TASOR2: variants seen among roughly 807,000 people sequenced by gnomAD.
TASOR2 encodes the protein transcription activation suppressor family member 2.
TASOR2 carries 84 observed loss-of-function variants against 199.5 expected under a neutral mutation model. The observed-to-expected ratio is 0.42, with a 90% CI of 0.35 to 0.50. TASOR2 has a LOEUF of 0.50. TASOR2 is among the 20% of genes least tolerant of loss of function. The pLI, the probability that TASOR2 is intolerant of heterozygous loss-of-function variation, is 0.02. For synonymous variants in TASOR2, 1,103 were observed against 1,046.6 expected (o/e 1.05, Z -1.04); for missense variants, 2,796 against 2,835.9 (o/e 0.99, Z 0.32).
In TASOR2 at chr10:5,742,194, C is replaced by T. The variant is rs1836531830; in HGVS notation, c.2425C>T (p.Arg809Ter). The T allele has an allele frequency of 6.2e-7, 1 of 1,614,084 alleles. No homozygotes were observed. The stretch of plus-strand genomic sequence containing the variant: ...TTACAGCAATCAGAACAAAATCATA[C>T]GATCTTCCCGAAAGGTTGTAGAACA... The change falls in exon 14 of 21, where the codon CGA becomes TGA. Residue 809 changes from arginine to a stop codon, truncating the protein, a stop_gained. Transcript: ENST00000328090. LOFTEE classifies it high-confidence loss of function. The surrounding 1 kb of genome is among the most constrained non-coding windows in gnomAD (Gnocchi z 4.2).
In TASOR2 at chr10:5,723,658, C is replaced by A; in HGVS notation, c.147-19C>A. ...CCACTGTTTATTATTCTGCTTGATACTGTTGTGTTGTTTTTCAGACCGCAG... is the reference window on the plus strand; with the variant it reads ...CCACTGTTTATTATTCTGCTTGATAATGTTGTGTTGTTTTTCAGACCGCAG... On this transcript the variant is annotated intron_variant, in intron 6 of 20. Transcript: ENST00000328090. The A allele has an allele frequency of 1.4e-6, 2 of 1,470,366 alleles. No homozygotes were observed. Among genetic ancestry groups the A allele is most frequent in the Non-Finnish European group, 9.3e-7 (1 of 1,078,468 alleles). The allele number at this position is 1,470,366 out of a possible 1,614,324, so 91.1% of individuals were successfully genotyped here.
intron 19 of TASOR2, among the ~76,000 whole-genome samples, chr10:5,762,034 T>C (rs979511820): frequency 6.6e-6 from 1 of 152,124 alleles, no homozygotes; most frequent in Admixed American, 6.5e-5. Context: ...GCCAGCACTT[T>C]GGGAGGCTGA....
chr10:5,720,217 G>C lies in TASOR2; in HGVS notation c.-99-327G>C. The C allele has an allele frequency of 1.0e-6, 1 of 975,594 alleles. No homozygotes were observed. The highest frequency in any genetic ancestry group is 1.2e-6 in the Non-Finnish European group (1 of 820,986). 60.4% of individuals were successfully genotyped at this position (975,594 alleles called of 1,614,324 possible). On this transcript the variant is annotated intron_variant, in intron 3 of 20. Transcript: ENST00000328090. The surrounding 1 kb of genome is among the most constrained non-coding windows in gnomAD (Gnocchi z 5.3). Reference sequence around the variant, plus strand: ...AATGAATCCTAGAGTAAAGGTTATTGCTATTCGAAGGCATCTGATTAGTTT... The same window carrying C: ...AATGAATCCTAGAGTAAAGGTTATTCCTATTCGAAGGCATCTGATTAGTTT...
chr10:5,760,348 A>G (rs1383569129), intron 18 of TASOR2, among the ~76,000 whole-genome samples: 2 of 152,196 alleles, frequency 1.3e-5, no homozygotes, highest in African/African-American at 4.8e-5. Flanking sequence ...GCGCTGCAGT[A>G]TGCTCTTCAT....
intron 3 of TASOR2, among the ~76,000 whole-genome samples, chr10:5,718,392 T>TA (rs59475949): frequency 0.2 from 28,134 of 137,258 alleles, 2,882 homozygotes; most frequent in Admixed American, 0.23. Context: ...GACCTTTAAT[T>TA]AAAAAAAAAA....
chr10:5,733,437 G>A (rs1460149151), intron 11 of TASOR2, among the ~76,000 whole-genome samples: 3 of 152,190 alleles, frequency 2.0e-5, no homozygotes, highest in Non-Finnish European at 4.4e-5. Flanking sequence ...GAACCTGGGA[G>A]GGAGAGGTTG....
Position 5,761,281 on chromosome 10 carries a change from C to T in TASOR2, c.6993-9C>T. 1 of 1,607,456 alleles carries T rather than the reference C, an allele frequency of 6.2e-7. No individual in the cohort carries two copies. Among genetic ancestry groups the T allele is most frequent in the South Asian group, 1.1e-5 (1 of 90,344 alleles). On this transcript the variant is annotated splice_polypyrimidine_tract_variant and intron_variant, in intron 18 of 20. Transcript: ENST00000328090. ...AAAATATTTTAATATGCCTATGTAT[C>T]TTTCACAGAGTGGATTCAACTGCAC... is the stretch of plus-strand genomic sequence containing the variant.
chr10:5,724,381 C>T lies in TASOR2; in HGVS notation c.248-49C>T, dbSNP rs143897907. The T allele has an allele frequency of 1.5e-4, 132 of 883,112 alleles. No individual in the cohort carries two copies. In the East Asian group the frequency reaches 1.8e-3, roughly 12 times the overall value. 54.7% of individuals were successfully genotyped at this position (883,112 alleles called of 1,614,324 possible). On this transcript the variant is annotated intron_variant, in intron 7 of 20. Coordinates refer to ENST00000328090, the Ensembl canonical transcript of TASOR2. ...AAAATGAACAAATTGACTGTAAGTA[C>T]ATAATAGCGTATTAAAAATAAGAAA...
rs545148209 is a variant in TASOR2 at position 5,750,243 on chromosome 10, A to G, written c.6606+216A>G. On this transcript the variant is annotated intron_variant, in intron 15 of 20. Coordinates refer to ENST00000328090, the Ensembl canonical transcript of TASOR2. This position sits in a 1 kb window ranked among gnomAD's most constrained non-coding sequence, Gnocchi z 5.4. The stretch of plus-strand genomic sequence containing the variant: ...AGTATTATGTTCCAGAATTAGGGCA[A>G]TGACTAATTTTTTTTCACAAAAAGT... Among the ~76,000 whole-genome samples, 3 of 152,180 alleles carry G rather than the reference A, an allele frequency of 2.0e-5. No individual in the cohort carries two copies. Among genetic ancestry groups the G allele is most frequent in the Non-Finnish European group, 4.4e-5 (3 of 68,042 alleles).
exon 15 of TASOR2, chr10:5,747,504 G>A (rs752595327): frequency 6.2e-7 from 1 of 1,613,936 alleles, no homozygotes; most frequent in East Asian, 2.2e-5. Flanking sequence ...AGAGAAAGGG[G>A]GATAATTTAC....
rs1416032108 is a variant in TASOR2 at position 5,689,879 on chromosome 10, A to G, written c.-288+4704A>G. ...TGATAATTTTTGATAAGTTAAAAGT[A>G]AAACAGGAAATCTCTGGAACTAGTC... On this transcript the variant is annotated intron_variant, in intron 1 of 20. Coordinates refer to ENST00000328090, the Ensembl canonical transcript of TASOR2. The surrounding 1 kb of genome is among the most constrained non-coding windows in gnomAD (Gnocchi z 4.1). Among the ~76,000 whole-genome samples the G allele has an allele frequency of 2.0e-5, 3 of 152,226 alleles. No individual in the cohort carries two copies. Among genetic ancestry groups the G allele is most frequent in the African/African-American group, 4.8e-5 (2 of 41,466 alleles).
At chr10:5,735,042 A>G (rs1835380288) in intron 11 of TASOR2, among the ~76,000 whole-genome samples, 1 of 151,912 alleles carries the variant, frequency 6.6e-6, no homozygotes, top group African/African-American at 2.4e-5. Flanking sequence ...AGTTGTTACA[A>G]AGTTATTACT....
At chr10:5,693,039 A>T (rs1836662225) in intron 1 of TASOR2, 1 of 152,176 alleles carries the variant, frequency 6.6e-6, no homozygotes, top group South Asian at 2.1e-4. Context: ...TGCGAAGGAG[A>T]CCCGAGAAAA....
At chr10:5,723,743 T>G in exon 7 of TASOR2, 2 of 1,605,482 alleles carry the variant, frequency 1.2e-6, no homozygotes, top group Non-Finnish European at 1.7e-6. Context: ...TACCAGAGGC[T>G]GCCTTCAGAA....
At chr10:5,743,601 G>C (rs1342208129) in intron 14 of TASOR2, among the ~76,000 whole-genome samples, 1 of 152,090 alleles carries the variant, frequency 6.6e-6, no homozygotes. Context: ...ATGGGGTTCA[G>C]CAGTTCCATC....
In TASOR2 at chr10:5,740,313, G is replaced by T. The variant is rs377604488; in HGVS notation, c.2143G>T (p.Val715Leu). ...TCAGCAAAAGCCTCCTGACGACCCC[G>T]TGGTGAAGCCCAAGGATCGACCACC... Residue 715 changes from valine (V) to leucine (L), a missense_variant, in exon 13 of 21, where the codon GTG becomes TTG. Physicochemically the swap from Val to Leu is conservative, Grantham distance 32. This residue lies in a region of TASOR2 where 847 missense variants were observed against 887.4 expected (regional missense o/e 0.95). Transcript: ENST00000328090. The surrounding 1 kb of genome is among the most constrained non-coding windows in gnomAD (Gnocchi z 5.3). The T allele has an allele frequency of 1.1e-5, 17 of 1,614,078 alleles. No homozygotes were observed. The highest frequency in any genetic ancestry group is 1.4e-5 in the Non-Finnish European group (16 of 1,180,044).
At chr10:5,728,770 TGTG>T in intron 10 of TASOR2, among the ~76,000 whole-genome samples, 2 of 152,326 alleles carry the variant, frequency 1.3e-5, no homozygotes, top group Non-Finnish European at 2.9e-5. Context: ...TGTCAGGTTT[TGTG>T]GTGGAAGTAA....
In TASOR2 at chr10:5,747,301, C is replaced by G. The variant is rs761837132; in HGVS notation, c.3880C>G (p.Pro1294Ala). The G allele has an allele frequency of 9.9e-6, 16 of 1,614,106 alleles. No homozygotes were observed. The South Asian group carries it at 1.6e-4, about 17-fold the overall frequency. Residue 1294 changes from proline (P) to alanine (A), a missense_variant, in exon 15 of 21, where the codon CCC becomes GCC. Pro to Ala is a conservative substitution (Grantham distance 27). Transcript: ENST00000328090. ...TCTAACAATATCACCACCTACAAGT[C>G]CCAGAGAAGAAATGCCAGCTGGTGA...
chr10:5,692,032 A>G (rs1356943095), intron 1 of TASOR2, among the ~76,000 whole-genome samples: 1 of 151,192 alleles, frequency 6.6e-6, no homozygotes, highest in Non-Finnish European at 1.5e-5. Flanking sequence ...AAAATTAGCT[A>G]GGCGTGGCGG....
Sources: gnomAD v4.1 joint callset for allele counts (sites outside exome capture counted in the v4.1 genomes callset) on GRCh38, gnomAD v4.1.1 for gene constraint, gnomAD v4.1.1 regional missense constraint, Gnocchi (gnomAD v3.1) non-coding constraint, MANE v1.5 for transcripts, NCBI Gene and HGNC (gene_info 2026-07-23, HGNC 2026-07-21) for gene names.